Variants in ZNF182 observed in about 807,000 individuals in gnomAD.
ZNF182 encodes the protein zinc finger protein 182, also known as zinc finger protein 21 (KOX 14).
In ZNF182, 10 loss-of-function variants were observed where a neutral mutation model predicts 28.1. That is an observed-to-expected ratio of 0.36 (90% CI 0.22 to 0.60). The LOEUF (loss-of-function observed/expected upper bound fraction) is 0.60. ZNF182 is among the 20% of genes least tolerant of loss of function. The probability of loss-of-function intolerance (pLI) is 0.75; values close to 1 mark genes in which losing one functional copy is unlikely to be tolerated. For missense variants in ZNF182, 352 were observed against 453.2 expected (o/e 0.78, Z 2.03); for synonymous variants, 156 against 158.7 (o/e 0.98, Z 0.13).
chrX:47,989,599 C>T (rs1556900217), intron 3 of ZNF182, among the ~76,000 whole-genome samples: 1 of 111,553 alleles, frequency 9.0e-6, no homozygotes, highest in African/African-American at 3.3e-5. Context: ...ATGTCACAGA[C>T]ATGAAAAACA....
At chrX:47,988,992 T>C (rs1170686368) in intron 3 of ZNF182, among the ~76,000 whole-genome samples, 2 of 112,359 alleles carry the variant, frequency 1.8e-5, no homozygotes, top group Non-Finnish European at 3.8e-5. Flanking sequence ...GGTGAAAAGT[T>C]TGATGAAGAA....
At position 47,990,312 on chromosome X, in the gene ZNF182, A is replaced by G. The variant is rs1269025858; in HGVS notation, c.16-6901T>C. Among the ~76,000 whole-genome samples, 5 of 111,259 alleles carry G rather than the reference A, an allele frequency of 4.5e-5. No homozygotes were observed. In the East Asian group the frequency reaches 8.5e-4, roughly 19 times the overall value. The stretch of plus-strand genomic sequence containing the variant: ...TGACGGGCTTCTCACTAAAAAATTA[A>G]TGGACAGGTACTGGGCTACACAGGG... On this transcript the variant is annotated intron_variant, in intron 3 of 5. Coordinates refer to ENST00000376943, the MANE Select transcript of ZNF182 (RefSeq NM_001007088.2).
intron 3 of ZNF182, chrX:47,988,675 AG>A (rs1170918860): frequency 6.1e-6 from 2 of 326,680 alleles, no homozygotes; most frequent in Admixed American, 4.6e-5. Context: ...GAAAATGTTC[AG>A]AAAATTATAG....
rs782281386 is a variant in ZNF182 at position 47,976,587 on chromosome X, A to G, written c.1443T>C (p.Tyr481=). The G allele has an allele frequency of 1.7e-6, 2 of 1,209,709 alleles. No homozygotes were observed. The change falls in exon 6 of 6, where the codon TAT becomes TAC. Residue 481 remains tyrosine (Y), a synonymous_variant. Transcript: ENST00000376943. ...ECEKAFSQKS[Y]LIIHQRTHTE... ...TATGAGTTCTTTGATGTATAATGAGATATGATTTCTGTGAAAATGCTTTTT... is the reference window on the plus strand; with the variant it reads ...TATGAGTTCTTTGATGTATAATGAGGTATGATTTCTGTGAAAATGCTTTTT...
chrX:47,983,018 T>C lies in ZNF182; in HGVS notation c.163A>G (p.Asn55Asp), dbSNP rs782647335. Reference sequence around the variant, plus strand: ...TCTACCTCCAACTTGAGGATGAGGTTTGGTTTGGTAACCTGCTGCCCTGTT... The same window carrying C: ...TCTACCTCCAACTTGAGGATGAGGTCTGGTTTGGTAACCTGCTGCCCTGTT... ...VFVGQQVTKP[N>D]LILKLEVEEC... Residue 55 changes from asparagine to aspartate, a missense_variant, in exon 5 of 6, where the codon AAC becomes GAC. Coordinates refer to ENST00000376943, the MANE Select transcript of ZNF182 (RefSeq NM_001007088.2). The C allele has an allele frequency of 1.7e-6, 2 of 1,209,596 alleles. No individual in the cohort carries two copies. Among genetic ancestry groups the C allele is most frequent in the African/African-American group, 3.5e-5 (2 of 57,073 alleles).
chrX:47,999,337 T>G (rs953423543), intron 3 of ZNF182, among the ~76,000 whole-genome samples: 7 of 96,592 alleles, frequency 7.2e-5, no homozygotes, highest in Non-Finnish European at 1.4e-4. Context: ...CCAAGCAGCC[T>G]GGGTGACAAA....
In ZNF182 at chrX:47,976,548, G is replaced by C. The variant is rs782732027; in HGVS notation, c.1482C>G (p.Pro494=). 3 of 1,207,267 alleles carry C rather than the reference G, an allele frequency of 2.5e-6. No individual in the cohort carries two copies. The highest frequency in any genetic ancestry group is 3.4e-6 in the Non-Finnish European group (3 of 894,028). Residue 494 remains proline, a synonymous_variant, in exon 6 of 6, where the codon CCC becomes CCG. Coordinates refer to ENST00000376943, the MANE Select transcript of ZNF182 (RefSeq NM_001007088.2). The part of the protein sequence containing the change: ...IHQRTHTEEK[P]YKCNECGKAF... ...CTTTGCCACATTCATTACATTTATA[G>C]GGTTTTTCTTCTGTATGAGTTCTTT...
At chrX:47,993,263 GAAACCCTGTAC>G (rs1189387537) in intron 3 of ZNF182, among the ~76,000 whole-genome samples, 1 of 112,368 alleles carries the variant, frequency 8.9e-6, no homozygotes, top group Admixed American at 9.4e-5. Flanking sequence ...GGCACAGAAG[GAAACCCTGTAC>G]CCTCCCATGC....
chrX:47,980,041 A>C (rs1213316448), intron 5 of ZNF182, among the ~76,000 whole-genome samples: 2 of 111,593 alleles, frequency 1.8e-5, no homozygotes, highest in Admixed American at 1.9e-4. Flanking sequence ...CATGGAATCA[A>C]ACCTAAGTGT....
Position 47,976,370 on chromosome X carries a change from T to C in ZNF182, c.1660A>G (p.Thr554Ala), listed in dbSNP as rs1556898101. Residue 554 changes from threonine to alanine, a missense_variant, in exon 6 of 6, where the codon ACT becomes GCT. Thr to Ala is a moderately conservative substitution (Grantham distance 58, BLOSUM62 0). Coordinates refer to ENST00000376943, the MANE Select transcript of ZNF182 (RefSeq NM_001007088.2). The stretch of plus-strand genomic sequence containing the variant: ...TCTCGGAAGGCTTTGCCACACTCAG[T>C]GCATGCATAGGGTTTCTCTCCCGTG... ...THTGEKPYAC[T>A]ECGKAFREKS... 1 of 1,209,927 alleles carries C rather than the reference T, an allele frequency of 8.3e-7. No homozygotes were observed. The highest frequency in any genetic ancestry group is 2.2e-5 in the Admixed American group (1 of 45,668).
Position 47,976,408 on chromosome X carries a change from T to G in ZNF182, c.1622A>C (p.His541Pro), listed in dbSNP as rs1556898115. Reference protein sequence around the residue: ...AFSQKSQLIIHQRTHTGEKPY... With the variant: ...AFSQKSQLIIPQRTHTGEKPY... ...TTTCTCTCCCGTGTGCGTTCTCTGATGTATTATGAGCTGTGACTTCTGGCT... is the reference window on the plus strand; with the variant it reads ...TTTCTCTCCCGTGTGCGTTCTCTGAGGTATTATGAGCTGTGACTTCTGGCT... Residue 541 changes from histidine to proline, a missense_variant, in exon 6 of 6, where the codon CAT becomes CCT. His to Pro is a moderately conservative substitution (Grantham distance 77, BLOSUM62 -2). Coordinates refer to ENST00000376943, the MANE Select transcript of ZNF182 (RefSeq NM_001007088.2). 1 of 1,211,859 alleles carries G rather than the reference T, an allele frequency of 8.3e-7. No individual in the cohort carries two copies. Among genetic ancestry groups the G allele is most frequent in the African/African-American group, 1.7e-5 (1 of 57,849 alleles).
intron 3 of ZNF182, among the ~76,000 whole-genome samples, chrX:47,996,880 G>A (rs782486476): frequency 4.5e-5 from 5 of 111,922 alleles, no homozygotes; most frequent in Non-Finnish European, 7.5e-5. Context: ...AAGAGTGCCC[G>A]AGGCTAAAAC....
At chrX:47,980,614 A>C (rs2058902270) in intron 5 of ZNF182, among the ~76,000 whole-genome samples, 1 of 111,769 alleles carries the variant, frequency 8.9e-6, no homozygotes, top group Non-Finnish European at 1.9e-5. Flanking sequence ...ATGTTTAAAA[A>C]ACTGTGCATA....
At chrX:47,996,370 T>TA (rs2058958655) in intron 3 of ZNF182, among the ~76,000 whole-genome samples, 2 of 108,798 alleles carry the variant, frequency 1.8e-5, no homozygotes, top group Non-Finnish European at 3.8e-5. Context: ...TGTAACTCTG[T>TA]AAATAGATAT....
At chrX:47,993,135 A>G (rs782462935) in intron 3 of ZNF182, among the ~76,000 whole-genome samples, 12 of 112,870 alleles carry the variant, frequency 1.1e-4, no homozygotes, top group African/African-American at 1.6e-4. Flanking sequence ...CCAATGCCCA[A>G]TGATTTAATC....
rs73491279 is a variant in ZNF182 at position 47,978,663 on chromosome X, C to T, written c.233-866G>A. Among the ~76,000 whole-genome samples the T allele has an allele frequency of 2.4e-3, 266 of 112,366 alleles. 1 individual carries two copies. Among genetic ancestry groups the T allele is most frequent in the African/African-American group, 8.2e-3 (255 of 31,019 alleles). Reference sequence around the variant, plus strand: ...TAAAACCTCTGCCTATTCTGTACTCCAAACCCTTCTTCATGTTCCATCACC... The same window carrying T: ...TAAAACCTCTGCCTATTCTGTACTCTAAACCCTTCTTCATGTTCCATCACC... On this transcript the variant is annotated intron_variant, in intron 5 of 5. Transcript: ENST00000376943.
At chrX:47,995,246 C>T (rs979096797) in intron 3 of ZNF182, among the ~76,000 whole-genome samples, 1 of 110,611 alleles carries the variant, frequency 9.0e-6, no homozygotes, top group Non-Finnish European at 1.9e-5. Flanking sequence ...GCAGAAGAAT[C>T]GCTTGAACCC....
chrX:47,992,928 C>T (rs2058946702), intron 3 of ZNF182, among the ~76,000 whole-genome samples: 1 of 101,026 alleles, frequency 9.9e-6, no homozygotes, highest in South Asian at 5.0e-4. Flanking sequence ...GGGTCAGACA[C>T]AGGCACTAAG....
chrX:47,989,105 C>A (rs918408514), intron 3 of ZNF182, among the ~76,000 whole-genome samples: 1 of 111,700 alleles, frequency 9.0e-6, no homozygotes, highest in South Asian at 3.7e-4. Flanking sequence ...GTGAGAGAAA[C>A]AAGTGATCAA....
Sources: allele counts gnomAD v4.1 joint callset (sites outside exome capture counted in the v4.1 genomes callset), GRCh38; gene constraint gnomAD v4.1.1; transcripts MANE v1.5; gene names NCBI Gene and HGNC (gene_info 2026-07-23, HGNC 2026-07-21).